Variants in CACNG8 observed in about 807,000 individuals in gnomAD.
CACNG8 encodes calcium voltage-gated channel auxiliary subunit gamma 8.
A neutral mutation model predicts 26.9 loss-of-function variants in CACNG8; 5 were observed. The ratio of observed to expected loss-of-function variants is 0.19; its 90% CI spans 0.10 to 0.39. CACNG8 has a LOEUF of 0.39. CACNG8 is among the 10% of genes least tolerant of loss of function. CACNG8 has a pLI of 1.00. For missense variants in CACNG8, 473 were observed against 609.4 expected, an observed-to-expected ratio of 0.78 and a Z score of 2.36; for synonymous variants, 321 against 296.7, an observed-to-expected ratio of 1.08 and a Z score of -0.84.
In CACNG8 at chr19:53,963,147, A is replaced by G; in HGVS notation, c.5A>G (p.Glu2Gly). 4 of 1,511,384 alleles carry G rather than the reference A, an allele frequency of 2.6e-6. No homozygotes were observed. Among genetic ancestry groups the G allele is most frequent in the Non-Finnish European group, 3.5e-6 (4 of 1,129,380 alleles). 93.6% of individuals were successfully genotyped at this position (1,511,384 alleles called of 1,614,324 possible). ...CCCCGGCTGCCCGTGGTCAAACTGG[A>G]GTCGCTGAAGCGCTGGAACGAAGAG... Residue 2 changes from glutamate to glycine, a missense_variant, in exon 1 of 4, where the codon GAG becomes GGG. This residue lies in a region of CACNG8 where 26 missense variants were observed against 23.8 expected (regional missense o/e 1.09). Transcript: ENST00000270458.
intron 3 of CACNG8, among the ~76,000 whole-genome samples, chr19:53,981,281 G>A (rs1275903726): frequency 6.6e-6 from 1 of 152,168 alleles, no homozygotes; most frequent in African/African-American, 2.4e-5. Flanking sequence ...TAAGGGTGGA[G>A]GTAGACTAAC....
chr19:53,972,063 C>T (rs1248596761), intron 1 of CACNG8, among the ~76,000 whole-genome samples: 5 of 151,448 alleles, frequency 3.3e-5, no homozygotes, highest in East Asian at 2.0e-4. Flanking sequence ...GGCGTGATAT[C>T]GGCTCACTGC....
Position 53,979,961 on chromosome 19 carries a change from C to G in CACNG8, c.462C>G (p.Ser154=), listed in dbSNP as rs137915042. 1 of 1,612,664 alleles carries G rather than the reference C, an allele frequency of 6.2e-7. No homozygotes were observed. Among genetic ancestry groups the G allele is most frequent in the Non-Finnish European group, 8.5e-7 (1 of 1,179,460 alleles). ...TGGCGGCCTCCCGCGTCTACAAGTCCAAGAGGAACATCATTCTGGGCGCAG... is the reference window on the plus strand; with the variant it reads ...TGGCGGCCTCCCGCGTCTACAAGTCGAAGAGGAACATCATTCTGGGCGCAG... Residue 154 remains serine (S), a synonymous_variant, in exon 3 of 4, where the codon TCC becomes TCG. Coordinates refer to ENST00000270458, the MANE Select transcript of CACNG8 (RefSeq NM_031895.6).
At chr19:53,970,188 C>T (rs993813366) in intron 1 of CACNG8, among the ~76,000 whole-genome samples, 28 of 152,136 alleles carry the variant, frequency 1.8e-4, no homozygotes, top group African/African-American at 3.6e-4. Flanking sequence ...CAGTGGCGGG[C>T]GCCTGTGGTC....
At chr19:53,977,046 G>T (rs777085190) in intron 1 of CACNG8, among the ~76,000 whole-genome samples, 1 of 152,144 alleles carries the variant, frequency 6.6e-6, no homozygotes, top group African/African-American at 2.4e-5. Context: ...CAGAGGAATC[G>T]GACTCCCATG....
At chr19:53,977,797 C>T (rs2145939074) in intron 1 of CACNG8, among the ~76,000 whole-genome samples, 1 of 152,322 alleles carries the variant, frequency 6.6e-6, no homozygotes, top group East Asian at 1.9e-4. Flanking sequence ...AAGCCAACAA[C>T]ACCCTCTTTC....
intron 1 of CACNG8, among the ~76,000 whole-genome samples, chr19:53,975,270 A>G (rs1366074134): frequency 3.3e-5 from 5 of 152,130 alleles, no homozygotes; most frequent in Admixed American, 3.3e-4. Flanking sequence ...TTTTAATAGT[A>G]ACCATACTAA....
intron 3 of CACNG8, 106 bp downstream of exon 3, chr19:53,980,113 C>A: frequency 8.1e-7 from 1 of 1,241,940 alleles, no homozygotes; most frequent in South Asian, 1.7e-5. Flanking sequence ...TGCAAGTGCG[C>A]GTTCGTGTGT....
At chr19:53,964,948 C>T (rs1014556851) in intron 1 of CACNG8, among the ~76,000 whole-genome samples, 3 of 152,140 alleles carry the variant, frequency 2.0e-5, no homozygotes, top group African/African-American at 7.2e-5. Flanking sequence ...TTTTCATCCC[C>T]CTCTATTTCC....
intron 1 of CACNG8, among the ~76,000 whole-genome samples, chr19:53,974,071 G>C (rs181992355): frequency 6.6e-6 from 1 of 151,930 alleles, no homozygotes; most frequent in Non-Finnish European, 1.5e-5. Context: ...AACTCTTTTC[G>C]TCTTGCAAAA....
intron 3 of CACNG8, 78 bp downstream of exon 3, chr19:53,980,085 T>TC: frequency 9.9e-7 from 1 of 1,011,520 alleles, no homozygotes; most frequent in Non-Finnish European, 1.3e-6. Flanking sequence ...TGTGTGTGTG[T>TC]GCGCGCGCGC....
intron 3 of CACNG8, among the ~76,000 whole-genome samples, chr19:53,981,646 G>A (rs1344898410): frequency 2.0e-5 from 3 of 152,132 alleles, no homozygotes; most frequent in Admixed American, 1.3e-4. Flanking sequence ...TCAGGGCAGG[G>A]CCTGGACCAC....
chr19:53,972,848 C>G (rs2069310689), intron 1 of CACNG8, among the ~76,000 whole-genome samples: 1 of 152,172 alleles, frequency 6.6e-6, no homozygotes, highest in East Asian at 1.9e-4. Context: ...ATAACCCCCA[C>G]AGCCACCAGA....
At chr19:53,977,470 G>A (rs918674145) in intron 1 of CACNG8, among the ~76,000 whole-genome samples, 2 of 152,114 alleles carry the variant, frequency 1.3e-5, no homozygotes, top group Admixed American at 6.5e-5. Flanking sequence ...AAGGAGATGA[G>A]GATGCATGAC....
intron 1 of CACNG8, among the ~76,000 whole-genome samples, chr19:53,971,216 C>T (rs2069300780): frequency 6.7e-6 from 1 of 150,176 alleles, no homozygotes. Context: ...TGCTTGAACT[C>T]GGGAGGTGGA....
rs2069402402 is a variant in CACNG8, at chr19:53,985,597, C to T, written c.*2748C>T. The T allele has an allele frequency of 6.6e-6, 1 of 152,128 alleles. No homozygotes were observed. The highest frequency in any genetic ancestry group is 1.5e-5 in the Non-Finnish European group (1 of 68,052). 9.4% of individuals were successfully genotyped at this position (152,128 alleles called of 1,614,324 possible). On this transcript the variant is annotated 3_prime_UTR_variant, in exon 4 of 4. Transcript: ENST00000270458. ...GGTGCTGTGGCTCCTAATCCCAGCACTTTGGGAGACTGAGGCAGGCAGATT... is the reference window on the plus strand; with the variant it reads ...GGTGCTGTGGCTCCTAATCCCAGCATTTTGGGAGACTGAGGCAGGCAGATT...
chr19:53,980,018 G>C lies in CACNG8; in HGVS notation c.508+11G>C. On this transcript the variant is annotated intron_variant, in intron 3 of 3. Coordinates refer to ENST00000270458, the MANE Select transcript of CACNG8 (RefSeq NM_031895.6). ...TGTTCGTGGCAGCAGGTGAGAGGCA[G>C]AGGGAGGGGGCGACCGGGGCGGCCC... 1 of 1,601,372 alleles carries C rather than the reference G, an allele frequency of 6.2e-7. No individual in the cohort carries two copies. The highest frequency in any genetic ancestry group is 8.5e-7 in the Non-Finnish European group (1 of 1,173,986).
chr19:53,975,616 G>A (rs1392841910), intron 1 of CACNG8, among the ~76,000 whole-genome samples: 1 of 152,086 alleles, frequency 6.6e-6, no homozygotes, highest in East Asian at 1.9e-4. Flanking sequence ...CTGACCTCAG[G>A]TGATCCACCC....
chr19:53,980,089 C>CGA (rs1341150622), intron 3 of CACNG8, 82 bp downstream of exon 3: 37 of 1,333,526 alleles, frequency 2.8e-5, no homozygotes, highest in Admixed American at 8.8e-5. Flanking sequence ...TGTGTGTGCG[C>CGA]GCGCGCGCGT....
Sources: allele counts gnomAD v4.1 joint callset (sites outside exome capture counted in the v4.1 genomes callset), GRCh38; gene constraint gnomAD v4.1.1; regional missense constraint gnomAD v4.1.1; transcripts MANE v1.5; gene names NCBI Gene and HGNC (gene_info 2026-07-23, HGNC 2026-07-21).